The following ATP7A variants were observed in gnomAD, a reference collection of about 807,000 sequenced individuals.
ATP7A encodes the protein copper-transporting ATPase 1.
In ATP7A, 7 loss-of-function variants were observed where a neutral mutation model predicts 83.5. The ratio of observed to expected loss-of-function variants is 0.08; its 90% CI spans 0.05 to 0.16. ATP7A has a LOEUF of 0.16. Among genes scored for constraint, ATP7A ranks in the 10% least tolerant of loss-of-function variants. The probability of loss-of-function intolerance (pLI) is 1.00; values close to 1 mark genes in which losing one functional copy is unlikely to be tolerated. For synonymous variants in ATP7A, 354 were observed against 395.2 expected, an observed-to-expected ratio of 0.90 and a Z score of 1.24; for missense variants, 940 against 1,120.8, an observed-to-expected ratio of 0.84 and a Z score of 2.30.
At chrX:78,036,911 G>T in intron 17 of ATP7A, among the ~76,000 whole-genome samples, 1 of 111,491 alleles carries the variant, frequency 9.0e-6, no homozygotes, top group South Asian at 3.8e-4. Context: ...TGTAAGAAAT[G>T]ATAGAATTCT....
In ATP7A at chrX:77,989,599, T is replaced by C; in HGVS notation, c.977T>C (p.Val326Ala). 8.3e-7 allele frequency: 1 copy of C among 1,211,868 alleles called. No homozygotes were observed. The highest frequency in any genetic ancestry group is 1.1e-6 in the Non-Finnish European group (1 of 895,456). Reference protein sequence around the residue: ...SAIVKYNASSVTPESLRKAIE... With the variant: ...SAIVKYNASSATPESLRKAIE... Reference sequence around the variant, plus strand: ...ATTGTGAAGTATAATGCAAGCTCAGTCACTCCAGAATCCCTGAGAAAAGCA... The same window carrying C: ...ATTGTGAAGTATAATGCAAGCTCAGCCACTCCAGAATCCCTGAGAAAAGCA... Residue 326 changes from valine to alanine, a missense_variant, in exon 4 of 23, where the codon GTC becomes GCC. This residue lies in a region of ATP7A where 350 missense variants were observed against 432.8 expected (regional missense o/e 0.81). Coordinates refer to ENST00000341514, the MANE Select transcript of ATP7A (RefSeq NM_000052.7).
chrX:78,021,257 A>G (rs2077904140), intron 14 of ATP7A, among the ~76,000 whole-genome samples, 178 bp downstream of exon 14: 1 of 111,790 alleles, frequency 8.9e-6, no homozygotes, highest in Non-Finnish European at 1.9e-5. Context: ...TTGGAAAAAA[A>G]ATTTTATTAT....
At chrX:77,982,258 T>C (rs782060626) in intron 2 of ATP7A, among the ~76,000 whole-genome samples, 1 of 112,124 alleles carries the variant, frequency 8.9e-6, no homozygotes, top group African/African-American at 3.2e-5. Context: ...GAAAAATCTC[T>C]TATAACCTTT....
At chrX:78,034,182 T>G (rs1349522762) in intron 17 of ATP7A, among the ~76,000 whole-genome samples, 1 of 111,916 alleles carries the variant, frequency 8.9e-6, no homozygotes, top group African/African-American at 3.2e-5. Context: ...CATGTGTTCT[T>G]ACATATTTTT....
intron 5 of ATP7A, among the ~76,000 whole-genome samples, chrX:78,002,130 C>T (rs1472441405): frequency 9.2e-6 from 1 of 108,768 alleles, no homozygotes; most frequent in Non-Finnish European, 1.9e-5. Context: ...ATTGCAGTGG[C>T]ATGAACACTG....
In ATP7A at chrX:77,988,519, T is replaced by C; in HGVS notation, c.398T>C (p.Ile133Thr). The C allele has an allele frequency of 8.3e-7, 1 of 1,211,410 alleles. No homozygotes were observed. Among genetic ancestry groups the C allele is most frequent in the East Asian group, 3.0e-5 (1 of 33,838 alleles). Residue 133 changes from isoleucine to threonine, a missense_variant, in exon 3 of 23, where the codon ATA becomes ACA. Ile to Thr is a moderately conservative substitution (Grantham distance 89, BLOSUM62 -1). Transcript: ENST00000341514. ...RTVAVTIIPS[I>T]VNANQIKELV... is the part of the protein sequence containing the mutation. ...GTAGCAGTGACAATAATCCCTTCTA[T>C]AGTGAATGCCAATCAGATAAAAGAG...
intron 1 of ATP7A, among the ~76,000 whole-genome samples, chrX:77,921,453 A>G (rs1314082261): frequency 8.9e-6 from 1 of 112,334 alleles, no homozygotes; most frequent in Non-Finnish European, 1.9e-5. Context: ...GCTCTGGACC[A>G]GGCTTACTGG....
intron 1 of ATP7A, among the ~76,000 whole-genome samples, chrX:77,936,512 C>T (rs1820645960): frequency 8.9e-6 from 1 of 112,048 alleles, no homozygotes; most frequent in Non-Finnish European, 1.9e-5. Context: ...CTACCATCCA[C>T]CTCCAGAACT....
intron 1 of ATP7A, chrX:77,924,067 C>G (rs782105649): frequency 1.8e-5 from 2 of 110,830 alleles, no homozygotes; most frequent in African/African-American, 6.6e-5. Flanking sequence ...TTTTAAGTAC[C>G]GCACTTTTTT....
chrX:77,932,787 C>G (rs782251657), intron 1 of ATP7A, among the ~76,000 whole-genome samples: 1 of 112,485 alleles, frequency 8.9e-6, no homozygotes, highest in African/African-American at 3.2e-5. Context: ...CGCCTGCAAT[C>G]GCAGGCACTC....
chrX:77,977,266 C>T lies in ATP7A; in HGVS notation c.120+5505C>T, dbSNP rs1314726593. 2.7e-5 allele frequency among the ~76,000 whole-genome samples: 3 copies of T among 111,509 alleles called. No homozygotes were observed. In the Admixed American group the frequency reaches 2.9e-4, roughly 11 times the overall value. ...TATCCTCAGATGAAACTAATTAAAC[C>T]TCCTCCACTTGATCTGAGGTGGGGC... On this transcript the variant is annotated intron_variant, in intron 2 of 22. Transcript: ENST00000341514.
intron 8 of ATP7A, 37 bp downstream of exon 8, chrX:78,011,289 G>C (rs1349492511): frequency 1.7e-6 from 2 of 1,164,725 alleles, no homozygotes; most frequent in African/African-American, 1.8e-5. Context: ...AACAGATTTT[G>C]ACTCCTTATT....
chrX:77,929,922 C>T (rs1235084664), intron 1 of ATP7A, among the ~76,000 whole-genome samples: 1 of 112,013 alleles, frequency 8.9e-6, no homozygotes, highest in East Asian at 2.8e-4. Context: ...GTTTAGCTCT[C>T]GTCCTTCACA....
intron 1 of ATP7A, among the ~76,000 whole-genome samples, chrX:77,957,912 G>A (rs182469494): frequency 9.0e-6 from 1 of 111,106 alleles, no homozygotes; most frequent in East Asian, 2.8e-4. Flanking sequence ...GTTATGGTTT[G>A]GATGTTTGTC....
intron 4 of ATP7A, among the ~76,000 whole-genome samples, chrX:77,996,037 G>A (rs868978855): frequency 2.1e-4 from 24 of 111,991 alleles, no homozygotes; most frequent in Middle Eastern, 4.2e-3. Context: ...GAGCCACCGT[G>A]CCCAGCCGTG....
chrX:78,018,547 C>G (rs2077883932), intron 12 of ATP7A, among the ~76,000 whole-genome samples: 1 of 111,852 alleles, frequency 8.9e-6, no homozygotes, highest in Non-Finnish European at 1.9e-5. Flanking sequence ...CAACAGATTT[C>G]TATGAAGTTC....
Position 78,042,609 on chromosome X carries a change from G to A in ATP7A, c.3826G>A (p.Glu1276Lys). The change falls in exon 20 of 23, where the codon GAA (glutamate) becomes AAA (lysine). Residue 1276 changes from glutamate (E) to lysine (K), a missense_variant. Glu to Lys is a moderately conservative substitution (Grantham distance 56, BLOSUM62 1). Around this residue, in one of 3 missense-constraint regions of ATP7A, gnomAD observed 386 missense variants for 502.2 expected, o/e 0.77. Transcript: ENST00000341514. ...GGTTGGCATTACTAAGGTGTTTGCT[G>A]AAGTTCTACCTTCTCACAAGGTTGC... is the stretch of plus-strand genomic sequence containing the variant. ...SQVGITKVFAEVLPSHKVAKV... is the reference protein window; with the variant it reads ...SQVGITKVFAKVLPSHKVAKV... 1 of 1,211,822 alleles carries A rather than the reference G, an allele frequency of 8.3e-7. No homozygotes were observed. The highest frequency in any genetic ancestry group is 1.1e-6 in the Non-Finnish European group (1 of 895,461).
At position 77,988,330 on chromosome X, in the gene ATP7A, G is replaced by A. The variant is rs782415705; in HGVS notation, c.209G>A (p.Gly70Asp). ...KTLQEAIDDM[G>D]FDAVIHNPDP... ...CTACAGGAAGCTATTGATGACATGG[G>A]CTTTGATGCTGTTATCCATAATCCT... The change falls in exon 3 of 23, where the codon GGC (glycine) becomes GAC (aspartate). Residue 70 changes from glycine to aspartate, a missense_variant. Gly to Asp is a moderately conservative substitution (Grantham distance 94). Around this residue, in one of 3 missense-constraint regions of ATP7A, gnomAD observed 350 missense variants for 432.8 expected, o/e 0.81. Transcript: ENST00000341514. 39 of 1,204,669 alleles carry A rather than the reference G, an allele frequency of 3.2e-5. No individual in the cohort carries two copies. The highest frequency in any genetic ancestry group is 5.9e-5 in the East Asian group (2 of 33,733).
chrX:78,032,864 C>A (rs2077991169), intron 16 of ATP7A, among the ~76,000 whole-genome samples: 1 of 111,345 alleles, frequency 9.0e-6, no homozygotes, highest in Admixed American at 9.6e-5. Context: ...AGCTAGGAAA[C>A]AATGAGGGCC....
Sources: gnomAD v4.1 joint callset for allele counts (sites outside exome capture counted in the v4.1 genomes callset) on GRCh38, gnomAD v4.1.1 for gene constraint, gnomAD v4.1.1 regional missense constraint, MANE v1.5 for transcripts, NCBI Gene and HGNC (gene_info 2026-07-23, HGNC 2026-07-21) for gene names.